Variants in ASIC2 observed in about 807,000 individuals in gnomAD.
ASIC2 encodes acid sensing ion channel subunit 2.
In ASIC2, 25 loss-of-function variants were observed where a neutral mutation model predicts 57.3. The observed-to-expected ratio is 0.44, with a 90% CI of 0.32 to 0.61. The LOEUF (loss-of-function observed/expected upper bound fraction) is 0.61, where lower values mean the gene tolerates loss of function less well. Among genes scored for constraint, ASIC2 ranks in the 20% least tolerant of loss-of-function variants. The pLI is 0.06. For synonymous variants in ASIC2, 319 were observed against 307.5 expected (o/e 1.04, Z -0.39); for missense variants, 641 against 738.1 (o/e 0.87, Z 1.52).
intron 3 of ASIC2, among the ~76,000 whole-genome samples, chr17:33,088,160 T>C (rs910113342): frequency 3.9e-5 from 6 of 152,174 alleles, no homozygotes; most frequent in South Asian, 2.1e-4. Flanking sequence ...GTTTTTATTC[T>C]AGGAAAACCA....
chr17:33,918,707 A>G (rs527583174), intron 1 of ASIC2, among the ~76,000 whole-genome samples: 2 of 152,326 alleles, frequency 1.3e-5, no homozygotes, highest in South Asian at 4.1e-4. Flanking sequence ...CTGATCATGG[A>G]AGCTGTTAAG....
intron 1 of ASIC2, among the ~76,000 whole-genome samples, chr17:33,885,792 A>T (rs1028578025): frequency 2.0e-5 from 3 of 152,232 alleles, no homozygotes; most frequent in African/African-American, 7.2e-5. Context: ...GGGATTTATC[A>T]GTTTTTCTTC....
intron 1 of ASIC2, among the ~76,000 whole-genome samples, chr17:33,966,416 G>A (rs1249696641): frequency 1.3e-5 from 2 of 152,064 alleles, no homozygotes; most frequent in East Asian, 3.9e-4. Flanking sequence ...AATCCTATGA[G>A]GATTAAAAGG....
chr17:33,631,370 G>A (rs72827240), intron 1 of ASIC2, among the ~76,000 whole-genome samples: 43,809 of 145,168 alleles, frequency 0.3, 6,671 homozygotes, highest in East Asian at 0.42. Context: ...ATGCCAGCCC[G>A]TCTCAGCTAT....
chr17:33,258,469 G>A (rs193056554), intron 1 of ASIC2, among the ~76,000 whole-genome samples: 103 of 152,288 alleles, frequency 6.8e-4, no homozygotes, highest in African/African-American at 2.1e-3. Flanking sequence ...GGTAAGGGAA[G>A]GCTGCTCCCA....
At chr17:34,036,280 C>A (rs191062477) in intron 1 of ASIC2, among the ~76,000 whole-genome samples, 528 of 148,594 alleles carry the variant, frequency 3.6e-3, no homozygotes, top group Non-Finnish European at 5.7e-3. Context: ...GGACAAAAAA[C>A]CAAACATCGC....
At chr17:34,095,231 G>A (rs927756517) in intron 1 of ASIC2, among the ~76,000 whole-genome samples, 3 of 152,152 alleles carry the variant, frequency 2.0e-5, no homozygotes, top group African/African-American at 7.2e-5. Context: ...CAGGTGAACA[G>A]AGCTCTGGAG....
intron 1 of ASIC2, among the ~76,000 whole-genome samples, chr17:33,643,673 A>G (rs879302114): frequency 1.1e-4 from 16 of 152,228 alleles, no homozygotes; most frequent in Non-Finnish European, 2.1e-4. Context: ...CTTACTAATC[A>G]TATAACTGTG....
intron 1 of ASIC2, among the ~76,000 whole-genome samples, chr17:33,978,258 A>G (rs1905468101): frequency 6.6e-6 from 1 of 152,106 alleles, no homozygotes; most frequent in African/African-American, 2.4e-5. Flanking sequence ...TTTTGTCCCA[A>G]TGTTTCCGTG....
intron 1 of ASIC2, among the ~76,000 whole-genome samples, chr17:33,228,887 C>T (rs527609928): frequency 6.6e-6 from 1 of 152,358 alleles, no homozygotes; most frequent in South Asian, 2.1e-4. Context: ...CCAAGTTCCT[C>T]CCTGTCCTCC....
At chr17:33,996,424 C>T (rs11867956) in intron 1 of ASIC2, among the ~76,000 whole-genome samples, 9,790 of 152,170 alleles carry the variant, frequency 0.064, 533 homozygotes, top group East Asian at 0.23. Context: ...AAAGTCATTG[C>T]CTAGGCCAAC....
At chr17:33,788,664 A>G (rs986414937) in intron 1 of ASIC2, among the ~76,000 whole-genome samples, 1 of 152,224 alleles carries the variant, frequency 6.6e-6, no homozygotes, top group African/African-American at 2.4e-5. Flanking sequence ...ATACCCATCG[A>G]CGATAGATTG....
chr17:33,732,369 C>CA (rs1287859029), intron 1 of ASIC2, among the ~76,000 whole-genome samples: 1 of 152,158 alleles, frequency 6.6e-6, no homozygotes, highest in Non-Finnish European at 1.5e-5. Flanking sequence ...TCAAAATAGT[C>CA]AAAAAATCCC....
At chr17:33,498,710 C>T (rs996944404) in intron 1 of ASIC2, among the ~76,000 whole-genome samples, 1 of 152,126 alleles carries the variant, frequency 6.6e-6, no homozygotes, top group East Asian at 1.9e-4. Flanking sequence ...GGCTCACAGG[C>T]CGTGGAAGTT....
chr17:33,073,205 A>G (rs985358669), intron 3 of ASIC2, among the ~76,000 whole-genome samples: 1 of 152,242 alleles, frequency 6.6e-6, no homozygotes, highest in African/African-American at 2.4e-5. Context: ...GTGGTTTCTT[A>G]AAAGCTTGGA....
chr17:33,799,427 C>CTTTCTTCTTTCT (rs11439080), intron 1 of ASIC2, among the ~76,000 whole-genome samples: 204 of 84,072 alleles, frequency 2.4e-3, no homozygotes, highest in Admixed American at 4.9e-3. Context: ...TTCTTTCTTT[C>CTTTCTTCTTTCT]TTCTTTCTTT....
intron 1 of ASIC2, among the ~76,000 whole-genome samples, chr17:33,179,208 A>G (rs1042695642): frequency 1.3e-5 from 2 of 152,190 alleles, no homozygotes; most frequent in African/African-American, 4.8e-5. Flanking sequence ...ATGGAAGGAA[A>G]CCAGCTCCTT....
chr17:33,579,469 ACATT>A (rs907511062), intron 1 of ASIC2, among the ~76,000 whole-genome samples: 30 of 152,054 alleles, frequency 2.0e-4, no homozygotes, highest in Admixed American at 1.5e-3. Flanking sequence ...TATTCATTCA[ACATT>A]CATTGAGAAT....
intron 1 of ASIC2, among the ~76,000 whole-genome samples, chr17:34,024,604 C>T (rs567502492): frequency 2.3e-4 from 35 of 152,324 alleles, no homozygotes; most frequent in African/African-American, 7.7e-4. Context: ...GAAACTCTTG[C>T]ATTTCCCAGA....
Sources: gnomAD v4.1 joint callset for allele counts (sites outside exome capture counted in the v4.1 genomes callset) on GRCh38, gnomAD v4.1.1 for gene constraint, MANE v1.5 for transcripts, NCBI Gene and HGNC (gene_info 2026-07-23, HGNC 2026-07-21) for gene names.